Variants in MAP3K6 observed in about 807,000 individuals in gnomAD.
The protein encoded by MAP3K6 is apoptosis signal-regulating kinase 2.
In MAP3K6, 105 loss-of-function variants were observed where a neutral mutation model predicts 147.1. The observed-to-expected ratio is 0.71, with a 90% CI of 0.61 to 0.84. MAP3K6 has a LOEUF of 0.84. Ranked by LOEUF, MAP3K6 falls within the 40% of genes least tolerant of loss-of-function variation. MAP3K6 has a pLI of 0.00. For missense variants in MAP3K6, 1,569 were observed against 1,715.0 expected, an observed-to-expected ratio of 0.91 and a Z score of 1.50; for synonymous variants, 695 against 732.4, an observed-to-expected ratio of 0.95 and a Z score of 0.82.
chr1:27,363,581 G>C, intron 5 of MAP3K6, 33 bp from the exon 6 acceptor site: 3 of 1,525,978 alleles, frequency 2.0e-6, no homozygotes, highest in Non-Finnish European at 2.7e-6. Flanking sequence ...CTGGCATCAT[G>C]GGCCTCCAGG....
chr1:27,358,509 T>C lies in MAP3K6; in HGVS notation c.2686A>G (p.Ser896Gly). The change falls in exon 20 of 29, where the codon AGC (serine) becomes GGC (glycine). Residue 896 changes from serine to glycine, a missense_variant. Ser to Gly is a moderately conservative substitution (Grantham distance 56, BLOSUM62 0). Transcript: ENST00000357582. This position sits in a 1 kb window ranked among gnomAD's most constrained non-coding sequence, Gnocchi z 6.2. ...TFEPDPRLRA[S>G]AQTLLGDPFL... The stretch of plus-strand genomic sequence containing the variant: ...GGGTCCCCCAGCAGTGTCTGGGCGC[T>C]GGCTCGGAGGCGGGGGTCTGGCTCA... 1.2e-6 allele frequency: 2 copies of C among 1,605,524 alleles called. No individual in the cohort carries two copies. The highest frequency in any genetic ancestry group is 1.7e-6 in the Non-Finnish European group (2 of 1,177,530).
intron 13 of MAP3K6, 68 bp from the exon 14 acceptor site, chr1:27,361,076 C>A (rs2015743918): frequency 3.9e-6 from 6 of 1,534,276 alleles, no homozygotes; most frequent in East Asian, 2.4e-5. Context: ...GAGCATCCAA[C>A]GGACGTCGTC....
At chr1:27,361,322 G>A in intron 12 of MAP3K6, 24 bp downstream of exon 12, 1 of 1,613,892 alleles carries the variant, frequency 6.2e-7, no homozygotes. Context: ...CGTCTTTCCA[G>A]TCACCCCAGG....
Position 27,360,957 on chromosome 1 carries a change from G to T in MAP3K6, c.1884C>A (p.Pro628=). Residue 628 remains proline, a synonymous_variant, in exon 14 of 29, where the codon CCC becomes CCA. Coordinates refer to ENST00000357582, the MANE Select transcript of MAP3K6 (RefSeq NM_004672.5). This position sits in a 1 kb window ranked among gnomAD's most constrained non-coding sequence, Gnocchi z 4.5. ...CCCCCGCGCCCTCCGCCTCCTCCGC[G>T]GGCGCCGTGGAATCCGGGTTCGTCA... ...AWVTNPDSTA[P]AEEAEGAGEM... 1 of 1,607,524 alleles carries T rather than the reference G, an allele frequency of 6.2e-7. No homozygotes were observed. Among genetic ancestry groups the T allele is most frequent in the East Asian group, 2.2e-5 (1 of 44,710 alleles).
rs566230470 is a variant in MAP3K6, at chr1:27,366,132, G to T, written c.340+126C>A. On this transcript the variant is annotated intron_variant, in intron 1 of 28. Coordinates refer to ENST00000357582, the MANE Select transcript of MAP3K6 (RefSeq NM_004672.5). This position sits in a 1 kb window ranked among gnomAD's most constrained non-coding sequence, Gnocchi z 5.5. The stretch of plus-strand genomic sequence containing the variant: ...CCCTGTCCCAAGCCCTTCAGCTTTA[G>T]CTCACTTTAAGTCCCCTAGACCCGG... 6 of 1,031,238 alleles carry T rather than the reference G, an allele frequency of 5.8e-6. No individual in the cohort carries two copies. The highest frequency in any genetic ancestry group is 3.5e-4 in the Middle Eastern group (1 of 2,844). The allele number at this position is 1,031,238 out of a possible 1,614,324, so 63.9% of individuals were successfully genotyped here. A position where few individuals can be genotyped will look rare whatever the true frequency, so the allele number is the denominator to read the frequency against.
In MAP3K6 at chr1:27,361,407, AAT is replaced by A. The variant is rs769469562; in HGVS notation, c.1687-14_1687-13del. The A allele has an allele frequency of 1.1e-5, 17 of 1,613,376 alleles. No homozygotes were observed. The South Asian group carries it at 1.9e-4, about 18-fold the overall frequency. On this transcript the variant is annotated splice_polypyrimidine_tract_variant and intron_variant, in intron 11 of 28. Coordinates refer to ENST00000357582, the MANE Select transcript of MAP3K6 (RefSeq NM_004672.5). ...CTGGAGGGAATGTCCTGCAAGAAGA[AAT>A]GGGGTGTGATGGGGAGTGCTGGTGA...
At position 27,363,370 on chromosome 1, in the gene MAP3K6, GC is replaced by G; in HGVS notation, c.971+71del. On this transcript the variant is annotated intron_variant, in intron 6 of 28. Coordinates refer to ENST00000357582, the MANE Select transcript of MAP3K6 (RefSeq NM_004672.5). ...ACAGCAGTGATCCCAGACAGCAATGGCTTTGCACGCAGAGACCTAGGTTTCG... is the reference window on the plus strand; with the variant it reads ...ACAGCAGTGATCCCAGACAGCAATGGTTTGCACGCAGAGACCTAGGTTTCG... The G allele has an allele frequency of 3.1e-6, 4 of 1,277,580 alleles. No homozygotes were observed. In the South Asian group the frequency reaches 4.2e-5, roughly 14 times the overall value. The allele number at this position is 1,277,580 out of a possible 1,614,324, so 79.1% of individuals were successfully genotyped here. A position where few individuals can be genotyped will look rare whatever the true frequency, so the allele number is the denominator to read the frequency against.
intron 22 of MAP3K6, 47 bp downstream of exon 22, chr1:27,357,663 GT>G (rs1433230312): frequency 6.2e-7 from 1 of 1,601,582 alleles, no homozygotes; most frequent in Admixed American, 1.7e-5. Flanking sequence ...ATCAACAGGT[GT>G]CCTGACCCTT....
Position 27,358,703 on chromosome 1 carries a change from T to A in MAP3K6, c.2583+6A>T. ...CTTCCATGGGCCAGGCCCAAAGAGG[T>A]CTCACCTGAAACATGGCAGCCTGTG... On this transcript the variant is annotated splice_donor_region_variant and intron_variant, in intron 19 of 28. Transcript: ENST00000357582. The surrounding 1 kb of genome is among the most constrained non-coding windows in gnomAD (Gnocchi z 6.2). 1.2e-6 allele frequency: 2 copies of A among 1,613,430 alleles called. No individual in the cohort carries two copies. The highest frequency in any genetic ancestry group is 1.7e-6 in the Non-Finnish European group (2 of 1,179,876).
rs1285163196 is a variant in MAP3K6, at chr1:27,365,884, C to T, written c.340+374G>A. Among the ~76,000 whole-genome samples the T allele has an allele frequency of 2.0e-5, 3 of 151,862 alleles. No homozygotes were observed. The East Asian group carries it at 5.8e-4, about 29-fold the overall frequency. ...GCGTGACATTCTCCTGAGGGTGAGG[C>T]TGAGTTCTCCAACCCCACCCCTGAG... On this transcript the variant is annotated intron_variant, in intron 1 of 28. Transcript: ENST00000357582.
rs1314537210 is a variant in MAP3K6, at chr1:27,364,903, A to C, written c.350T>G (p.Val117Gly). The part of the protein sequence containing the change: ...LDAFYNADVV[V>G]LEVSSSLVQP... The stretch of plus-strand genomic sequence containing the variant: ...TACCAGCGAGCTGCTCACCTCCAGC[A>C]CCACCACATCTGCAGGCACAGAGGG... The change falls in exon 2 of 29, where the codon GTG becomes GGG. Residue 117 changes from valine to glycine, a missense_variant. Physicochemically the swap from Val to Gly is moderately radical, Grantham distance 109. Coordinates refer to ENST00000357582, the MANE Select transcript of MAP3K6 (RefSeq NM_004672.5). This position sits in a 1 kb window ranked among gnomAD's most constrained non-coding sequence, Gnocchi z 4.4. The C allele has an allele frequency of 6.3e-7, 1 of 1,590,716 alleles. No homozygotes were observed.
chr1:27,364,037 C>T lies in MAP3K6; in HGVS notation c.744G>A (p.Glu248=), dbSNP rs373458406. The T allele has an allele frequency of 6.8e-5, 110 of 1,612,546 alleles. No individual in the cohort carries two copies. Among genetic ancestry groups the T allele is most frequent in the Middle Eastern group, 4.9e-4 (3 of 6,078 alleles). The stretch of plus-strand genomic sequence containing the variant: ...GCCGCAGCTGTGGCCCACTGAACCG[C>T]TCCCGCGCCTGCCGGATGTCCCGCC... The part of the protein sequence containing the change: ...TIRRDIRQAR[E]RFSGPQLRQE... Residue 248 remains glutamate, a synonymous_variant, in exon 5 of 29, where the codon GAG becomes GAA. Transcript: ENST00000357582. The surrounding 1 kb of genome is among the most constrained non-coding windows in gnomAD (Gnocchi z 4.4).
At position 27,366,391 on chromosome 1, in the gene MAP3K6, C is replaced by A; in HGVS notation, c.207G>T (p.Pro69=). Residue 69 remains proline (P), a synonymous_variant, in exon 1 of 29, where the codon CCG becomes CCT. Coordinates refer to ENST00000357582, the MANE Select transcript of MAP3K6 (RefSeq NM_004672.5). This position sits in a 1 kb window ranked among gnomAD's most constrained non-coding sequence, Gnocchi z 5.5. ...CCTCGCGCAGGCAGCGCAGGGGCAG[C>A]GGCTCCGCCTCGGTTCCCTCCCGAG... The part of the protein sequence containing the change: ...LEPREGTEAE[P]LPLRCLREAC... The A allele has an allele frequency of 8.0e-7, 1 of 1,249,360 alleles. No homozygotes were observed. The highest frequency in any genetic ancestry group is 3.2e-5 in the East Asian group (1 of 31,200). The allele number at this position is 1,249,360 out of a possible 1,614,324, so 77.4% of individuals were successfully genotyped here. A position where few individuals can be genotyped will look rare whatever the true frequency, so the allele number is the denominator to read the frequency against.
At position 27,364,403 on chromosome 1, in the gene MAP3K6, A is replaced by T. The variant is rs1299254356; in HGVS notation, c.505-9T>A. On this transcript the variant is annotated splice_polypyrimidine_tract_variant and intron_variant, in intron 3 of 28. Transcript: ENST00000357582. This position sits in a 1 kb window ranked among gnomAD's most constrained non-coding sequence, Gnocchi z 4.4. ...TAGCTGCCAACGCAATCCTGGTGGG[A>T]GGGAGGCAGGAATCAGTGAGGTCAG... 6.2e-7 allele frequency: 1 copy of T among 1,613,426 alleles called. No homozygotes were observed. Among genetic ancestry groups the T allele is most frequent in the East Asian group, 2.2e-5 (1 of 44,862 alleles).
chr1:27,355,421 T>C lies in MAP3K6; in HGVS notation c.3837A>G (p.Ala1279=), dbSNP rs2015482883. Residue 1279 remains alanine, a synonymous_variant, in exon 29 of 29, where the codon GCA becomes GCG. Transcript: ENST00000357582. ...RIWRAILAQR[A]GSTPVTSGP is the part of the protein sequence containing the mutation. ...GTCCAGAGGTGACTGGTGTGGATCCTGCTCGCTGTGCCAAGATGGCCCTCC... is the reference window on the plus strand; with the variant it reads ...GTCCAGAGGTGACTGGTGTGGATCCCGCTCGCTGTGCCAAGATGGCCCTCC... 1 of 1,614,064 alleles carries C rather than the reference T, an allele frequency of 6.2e-7. No homozygotes were observed. Among genetic ancestry groups the C allele is most frequent in the Non-Finnish European group, 8.5e-7 (1 of 1,179,976 alleles).
chr1:27,361,646 T>TG lies in MAP3K6; in HGVS notation c.1579-20dup, dbSNP rs770576898. ...CCAGCACCTGCAGGCAGTTGGGGAG[T>TG]GGGGTCAGTCAGAAGGGGCTTACCC... On this transcript the variant is annotated intron_variant, in intron 10 of 28. Transcript: ENST00000357582. 2.9e-5 allele frequency: 47 copies of TG among 1,613,452 alleles called. No homozygotes were observed. The highest frequency in any genetic ancestry group is 3.8e-5 in the Non-Finnish European group (45 of 1,179,892).
Position 27,357,577 on chromosome 1 carries a change from CT to C in MAP3K6, c.3082-2del. 1 of 1,606,162 alleles carries C rather than the reference CT, an allele frequency of 6.2e-7. No homozygotes were observed. The highest frequency in any genetic ancestry group is 8.5e-7 in the Non-Finnish European group (1 of 1,175,488). On this transcript the variant is annotated splice_acceptor_variant, in intron 22 of 28. Coordinates refer to ENST00000357582, the MANE Select transcript of MAP3K6 (RefSeq NM_004672.5). LOFTEE classifies it high-confidence loss of function. ...CATGGTTTCTGCCCAGACGGGCCCCCTGAGAAGGAAGAGAGGGGTTGTCAGC... is the reference window on the plus strand; with the variant it reads ...CATGGTTTCTGCCCAGACGGGCCCCCGAGAAGGAAGAGAGGGGTTGTCAGC...
At position 27,366,928 on chromosome 1, in the gene MAP3K6, G is replaced by A. The variant is rs1052025785; in HGVS notation, c.-331C>T. The A allele has an allele frequency of 2.0e-5, 3 of 152,712 alleles. No homozygotes were observed. The highest frequency in any genetic ancestry group is 7.2e-5 in the African/African-American group (3 of 41,452). The allele number at this position is 152,712 out of a possible 1,614,324, so 9.5% of individuals were successfully genotyped here. A position where few individuals can be genotyped will look rare whatever the true frequency, so the allele number is the denominator to read the frequency against. On this transcript the variant is annotated 5_prime_UTR_variant, in exon 1 of 29. Coordinates refer to ENST00000357582, the MANE Select transcript of MAP3K6 (RefSeq NM_004672.5). The surrounding 1 kb of genome is among the most constrained non-coding windows in gnomAD (Gnocchi z 5.5). ...TGCCCGCCACCTGGACTTCTCAAGG[G>A]AGCGCCCGCCAACGCTGCCCTGCCT...
chr1:27,357,697 A>G lies in MAP3K6; in HGVS notation c.3081+14T>C, dbSNP rs74061774. 2.3e-3 allele frequency: 3,718 copies of G among 1,608,872 alleles called. 75 individuals are homozygous for G. In the African/African-American group the frequency reaches 0.041, roughly 18 times the overall value. ...CTTTGCGACCACCAGGGGGCGCTAG[A>G]GTGGGCCGCCCACCTGCTCTTGCTT... On this transcript the variant is annotated intron_variant, in intron 22 of 28. Transcript: ENST00000357582.
Sources: gnomAD v4.1 joint callset for allele counts (sites outside exome capture counted in the v4.1 genomes callset) on GRCh38, gnomAD v4.1.1 for gene constraint, Gnocchi (gnomAD v3.1) non-coding constraint, MANE v1.5 for transcripts, NCBI Gene and HGNC (gene_info 2026-07-23, HGNC 2026-07-21) for gene names.